The following PI4KA variants were observed in gnomAD, a reference collection of about 807,000 sequenced individuals.
PI4KA encodes PI4-kinase alpha.
In PI4KA, 122 loss-of-function variants were observed where a neutral mutation model predicts 271.4. That is an observed-to-expected ratio of 0.45 (90% CI 0.39 to 0.52). The LOEUF is 0.52. Among genes scored for constraint, PI4KA ranks in the 20% least tolerant of loss-of-function variants. The probability of loss-of-function intolerance (pLI) is 0.00; values close to 1 mark genes in which losing one functional copy is unlikely to be tolerated. For synonymous variants in PI4KA, 1,041 were observed against 1,078.8 expected (o/e 0.96, Z 0.69); for missense variants, 1,969 against 2,769.1 (o/e 0.71, Z 6.48).
chr22:20,793,691 T>A (rs1934790342), intron 18 of PI4KA, among the ~76,000 whole-genome samples: 1 of 152,220 alleles, frequency 6.6e-6, no homozygotes, highest in African/African-American at 2.4e-5. Context: ...TGATTATATA[T>A]CTGAGTCAAG....
intron 23 of PI4KA, among the ~76,000 whole-genome samples, chr22:20,753,965 C>T (rs1228080137): frequency 1.3e-5 from 2 of 152,198 alleles, no homozygotes; most frequent in Non-Finnish European, 1.5e-5. Context: ...GGATTACAGG[C>T]GTGAGCCACC....
In PI4KA at chr22:20,751,670, T is replaced by G; in HGVS notation, c.3069+4A>C. On this transcript the variant is annotated splice_donor_region_variant and intron_variant, in intron 26 of 54. Coordinates refer to ENST00000255882, the MANE Select transcript of PI4KA (RefSeq NM_058004.4). Reference sequence around the variant, plus strand: ...TGGGCCCTAGGTCTCCTGGGGACACTCACAGCGCTCAGTGACAGTGACAGG... The same window carrying G: ...TGGGCCCTAGGTCTCCTGGGGACACGCACAGCGCTCAGTGACAGTGACAGG... The G allele has an allele frequency of 6.2e-7, 1 of 1,612,872 alleles. No individual in the cohort carries two copies. Among genetic ancestry groups the G allele is most frequent in the Non-Finnish European group, 8.5e-7 (1 of 1,178,868 alleles).
intron 3 of PI4KA, among the ~76,000 whole-genome samples, chr22:20,824,770 ACACACAC>A (rs1569076109): frequency 2.0e-5 from 3 of 147,948 alleles, no homozygotes; most frequent in African/African-American, 7.4e-5. Flanking sequence ...ACACACACAC[ACACACAC>A]ACAAAACACT....
At chr22:20,794,617 T>C (rs939701192) in intron 18 of PI4KA, among the ~76,000 whole-genome samples, 1 of 152,202 alleles carries the variant, frequency 6.6e-6, no homozygotes, top group Non-Finnish European at 1.5e-5. Flanking sequence ...GGGGGACTCC[T>C]TCATGCAGTT....
At chr22:20,820,698 C>G in intron 4 of PI4KA, 87 bp from the exon 5 acceptor site, 1 of 928,062 alleles carries the variant, frequency 1.1e-6, no homozygotes, top group Non-Finnish European at 1.7e-6. Flanking sequence ...GAAGGCACTT[C>G]AGACATTATC....
At chr22:20,842,813 T>C (rs1474236285) in intron 1 of PI4KA, among the ~76,000 whole-genome samples, 1 of 89,694 alleles carries the variant, frequency 1.1e-5, no homozygotes, top group African/African-American at 4.2e-5. Context: ...AGACTCTGTC[T>C]CAAAAAAAAA....
chr22:20,834,819 C>T (rs1924654046), intron 2 of PI4KA, among the ~76,000 whole-genome samples, 164 bp from the exon 3 acceptor site: 1 of 152,220 alleles, frequency 6.6e-6, no homozygotes, highest in African/African-American at 2.4e-5. Context: ...GGCATCACTC[C>T]ATTCCTGTTT....
chr22:20,726,804 G>C (rs1003090577), intron 41 of PI4KA, among the ~76,000 whole-genome samples: 1 of 152,176 alleles, frequency 6.6e-6, no homozygotes, highest in East Asian at 1.9e-4. Flanking sequence ...GTCTGCTGTG[G>C]GTCAGACTCT....
intron 19 of PI4KA, among the ~76,000 whole-genome samples, chr22:20,774,831 G>C (rs1480908991): frequency 1.3e-5 from 2 of 151,880 alleles, no homozygotes; most frequent in African/African-American, 4.8e-5. Flanking sequence ...ACTCTCAAAT[G>C]GTCTAGAAGA....
chr22:20,734,638 A>C, intron 32 of PI4KA, 85 bp from the exon 33 acceptor site: 3 of 1,305,722 alleles, frequency 2.3e-6, no homozygotes, highest in Non-Finnish European at 3.2e-6. Context: ...AAAAAGGAAC[A>C]CGTGCTCACT....
intron 19 of PI4KA, among the ~76,000 whole-genome samples, chr22:20,770,329 A>G (rs1932811759): frequency 6.6e-6 from 1 of 151,574 alleles, no homozygotes; most frequent in South Asian, 2.1e-4. Flanking sequence ...CCTGGGCAAC[A>G]TGGTAAAACC....
intron 1 of PI4KA, among the ~76,000 whole-genome samples, chr22:20,851,797 T>C (rs913185375): frequency 6.6e-6 from 1 of 152,232 alleles, no homozygotes. Flanking sequence ...TGTATTTATT[T>C]GTCAGTTTAC....
At chr22:20,838,472 C>A in intron 2 of PI4KA, 143 bp downstream of exon 2, 2 of 589,124 alleles carry the variant, frequency 3.4e-6, no homozygotes, top group Non-Finnish European at 6.1e-6. Flanking sequence ...CCCACCTTGT[C>A]CTACCCTCTC....
intron 45 of PI4KA, among the ~76,000 whole-genome samples, chr22:20,714,965 G>C (rs1204133413): frequency 1.3e-5 from 2 of 152,180 alleles, no homozygotes; most frequent in Non-Finnish European, 2.9e-5. Context: ...GAGGAGCACT[G>C]AGCCCCATCC....
At chr22:20,770,115 T>C (rs568888220) in intron 19 of PI4KA, among the ~76,000 whole-genome samples, 35 of 152,154 alleles carry the variant, frequency 2.3e-4, no homozygotes, top group Non-Finnish European at 4.3e-4. Flanking sequence ...GGTACAATCA[T>C]AGCTCACTGT....
At chr22:20,809,898 G>A (rs1011379248) in intron 9 of PI4KA, among the ~76,000 whole-genome samples, 2 of 152,154 alleles carry the variant, frequency 1.3e-5, no homozygotes, top group African/African-American at 2.4e-5. Context: ...GTACGAAGCA[G>A]GAAGAGACAT....
At chr22:20,721,526 C>G (rs1052092808) in intron 42 of PI4KA, 108 bp from the exon 43 acceptor site, 16 of 1,188,840 alleles carry the variant, frequency 1.3e-5, no homozygotes, top group Admixed American at 1.8e-5. Flanking sequence ...AAGGGTAAGG[C>G]CCGGTGGCTC....
At chr22:20,743,878 C>A (rs537544557) in intron 30 of PI4KA, among the ~76,000 whole-genome samples, 146 of 152,066 alleles carry the variant, frequency 9.6e-4, no homozygotes, top group Non-Finnish European at 1.8e-3. Flanking sequence ...CACAGTGAAA[C>A]CCCGTCTCCA....
intron 19 of PI4KA, among the ~76,000 whole-genome samples, chr22:20,773,586 C>T (rs192523536): frequency 2.0e-5 from 3 of 152,296 alleles, no homozygotes; most frequent in African/African-American, 7.2e-5. Context: ...AGGTCCATGC[C>T]ACAATCCCCT....
Sources: allele counts gnomAD v4.1 joint callset (sites outside exome capture counted in the v4.1 genomes callset), GRCh38; gene constraint gnomAD v4.1.1; transcripts MANE v1.5; gene names NCBI Gene and HGNC (gene_info 2026-07-23, HGNC 2026-07-21).